TUT4: variants seen among roughly 807,000 people sequenced by gnomAD.
TUT4 encodes terminal uridylyl transferase 4.
In TUT4, 36 loss-of-function variants were observed where a neutral mutation model predicts 192.2. The ratio of observed to expected loss-of-function variants is 0.19; its 90% CI spans 0.14 to 0.25. The LOEUF (loss-of-function observed/expected upper bound fraction) is 0.25, where lower values mean the gene tolerates loss of function less well. TUT4 is among the 10% of genes least tolerant of loss of function. TUT4 has a pLI of 1.00. For synonymous variants in TUT4, 618 were observed against 666.0 expected, an observed-to-expected ratio of 0.93 and a Z score of 1.11; for missense variants, 1,493 against 1,957.2, an observed-to-expected ratio of 0.76 and a Z score of 4.47.
intron 25 of TUT4, 53 bp from the exon 26 acceptor site, chr1:52,437,031 C>T (rs899414666): frequency 6.3e-7 from 1 of 1,587,832 alleles, no homozygotes. Context: ...AGTCACAGAA[C>T]AAACTATGCA....
intron 11 of TUT4, among the ~76,000 whole-genome samples, chr1:52,479,850 C>A (rs370225164): frequency 1.3e-5 from 2 of 151,802 alleles, no homozygotes; most frequent in Non-Finnish European, 2.9e-5. Context: ...AAAAATTAGC[C>A]GGGCATGGTG....
intron 9 of TUT4, among the ~76,000 whole-genome samples, chr1:52,487,018 A>G (rs1343852055): frequency 6.6e-6 from 1 of 152,226 alleles, no homozygotes; most frequent in African/African-American, 2.4e-5. Context: ...GCAACTGTGT[A>G]TTCCATCATC....
chr1:52,531,710 G>A (rs559907647), intron 1 of TUT4, among the ~76,000 whole-genome samples: 3 of 152,038 alleles, frequency 2.0e-5, no homozygotes, highest in Non-Finnish European at 2.9e-5. Flanking sequence ...ACTAGGAAAT[G>A]TCTCTCTTTC....
At chr1:52,528,980 T>C (rs2149491609) in intron 1 of TUT4, among the ~76,000 whole-genome samples, 1 of 152,248 alleles carries the variant, frequency 6.6e-6, no homozygotes, top group East Asian at 1.9e-4. Flanking sequence ...CCCAAAGCAC[T>C]GGGATTACAG....
Position 52,475,553 on chromosome 1 carries a change from G to A in TUT4, c.2024-18C>T, listed in dbSNP as rs755433975. On this transcript the variant is annotated intron_variant, in intron 12 of 29. Coordinates refer to ENST00000257177, the MANE Select transcript of TUT4 (RefSeq NM_001009881.3). ...AAATGGATCTAGCAAAAGAGAAAATGGTAAATAGCTAAGTCTCTACTAACA... is the reference window on the plus strand; with the variant it reads ...AAATGGATCTAGCAAAAGAGAAAATAGTAAATAGCTAAGTCTCTACTAACA... The A allele has an allele frequency of 8.2e-6, 13 of 1,581,320 alleles. No individual in the cohort carries two copies. Among genetic ancestry groups the A allele is most frequent in the Middle Eastern group, 3.3e-4 (2 of 5,996 alleles).
Position 52,423,681 on chromosome 1 carries a change from A to G in TUT4, c.*254T>C. 2.8e-6 allele frequency: 2 copies of G among 705,202 alleles called. No homozygotes were observed. The highest frequency in any genetic ancestry group is 7.2e-5 in the East Asian group (2 of 27,968). 43.7% of individuals were successfully genotyped at this position (705,202 alleles called of 1,614,324 possible). ...AAATAGATGAAATTTGTATCACTCA[A>G]TTTGGTGATACTAGTAAAAACTATA... is the stretch of plus-strand genomic sequence containing the variant. On this transcript the variant is annotated 3_prime_UTR_variant, in exon 30 of 30. Coordinates refer to ENST00000257177, the MANE Select transcript of TUT4 (RefSeq NM_001009881.3).
intron 16 of TUT4, chr1:52,462,970 A>G (rs1160373581): frequency 1.0e-6 from 1 of 985,478 alleles, no homozygotes; most frequent in African/African-American, 1.7e-5. Context: ...GAGCCATTGC[A>G]GCTAAACCAA....
chr1:52,506,705 A>G (rs776633556), intron 4 of TUT4, among the ~76,000 whole-genome samples: 14 of 152,204 alleles, frequency 9.2e-5, no homozygotes, highest in Non-Finnish European at 1.6e-4. Context: ...TGAAACATCA[A>G]GAATACAGTT....
intron 20 of TUT4, among the ~76,000 whole-genome samples, chr1:52,457,437 T>C (rs1361260644): frequency 1.3e-5 from 2 of 151,942 alleles, no homozygotes; most frequent in Non-Finnish European, 2.9e-5. Context: ...GGTTTCACCA[T>C]GTTGGCCAGG....
At chr1:52,441,793 G>A (rs1438295138) in intron 24 of TUT4, among the ~76,000 whole-genome samples, 2 of 152,034 alleles carry the variant, frequency 1.3e-5, no homozygotes, top group Non-Finnish European at 2.9e-5. Flanking sequence ...CCAAGGACAG[G>A]CACATGGTGG....
intron 4 of TUT4, among the ~76,000 whole-genome samples, chr1:52,503,320 AATG>A (rs1674674989): frequency 6.6e-6 from 1 of 152,158 alleles, no homozygotes; most frequent in Admixed American, 6.5e-5. Flanking sequence ...AGATTAATTA[AATG>A]ATTATTTAAA....
chr1:52,437,997 CTGAG>C (rs1449165799), intron 25 of TUT4, among the ~76,000 whole-genome samples: 1 of 151,710 alleles, frequency 6.6e-6, no homozygotes, highest in African/African-American at 2.4e-5. Flanking sequence ...CAAAAAAAAA[CTGAG>C]TGAATTAATG....
chr1:52,429,177 G>C (rs1034740863), intron 28 of TUT4, among the ~76,000 whole-genome samples: 1 of 144,810 alleles, frequency 6.9e-6, no homozygotes, highest in Admixed American at 7.1e-5. Context: ...TCTGCCTCCC[G>C]GGTTCACACC....
Position 52,526,090 on chromosome 1 carries a change from C to T in TUT4, c.191G>A (p.Cys64Tyr), listed in dbSNP as rs754744349. ...SSKKNKQNDI[C>Y]IEKTEVKSCK... is the part of the protein sequence containing the mutation. Reference sequence around the variant, plus strand: ...TGATTTAACTTCTGTTTTTTCTATACAAATATCATTTTGCTTATTTTTTTT... The same window carrying T: ...TGATTTAACTTCTGTTTTTTCTATATAAATATCATTTTGCTTATTTTTTTT... Residue 64 changes from cysteine (C) to tyrosine (Y), a missense_variant, in exon 2 of 30, where the codon TGT becomes TAT. Around this residue, in one of 7 missense-constraint regions of TUT4, gnomAD observed 260 missense variants for 247.8 expected, o/e 1.05. Coordinates refer to ENST00000257177, the MANE Select transcript of TUT4 (RefSeq NM_001009881.3). The T allele has an allele frequency of 1.1e-5, 17 of 1,609,766 alleles. No individual in the cohort carries two copies. The highest frequency in any genetic ancestry group is 1.4e-5 in the Non-Finnish European group (17 of 1,179,060).
intron 8 of TUT4, 22 bp downstream of exon 8, chr1:52,490,710 T>C: frequency 6.3e-7 from 1 of 1,587,772 alleles, no homozygotes; most frequent in East Asian, 2.2e-5. Context: ...TTTTTAAATA[T>C]TTTATCTTCA....
intron 16 of TUT4, among the ~76,000 whole-genome samples, chr1:52,464,376 T>A (rs543124437): frequency 2.1e-4 from 32 of 152,234 alleles, no homozygotes. Flanking sequence ...TGCCTCAGCC[T>A]CCTGAGTAGC....
intron 20 of TUT4, among the ~76,000 whole-genome samples, chr1:52,447,453 AAAAAAAAC>A (rs201679877): frequency 0.079 from 11,833 of 149,448 alleles, 1,483 homozygotes; most frequent in African/African-American, 0.28. Context: ...CATCTCACCA[AAAAAAAAC>A]AAAAAAACAA....
chr1:52,470,397 A>C (rs1157231327), intron 14 of TUT4, among the ~76,000 whole-genome samples: 2 of 152,230 alleles, frequency 1.3e-5, no homozygotes, highest in Non-Finnish European at 2.9e-5. Flanking sequence ...AAAGCTGCTA[A>C]AAAACACGTG....
At chr1:52,523,223 C>T (rs1413127749) in intron 2 of TUT4, among the ~76,000 whole-genome samples, 1 of 151,674 alleles carries the variant, frequency 6.6e-6, no homozygotes, top group African/African-American at 2.4e-5. Flanking sequence ...GACCTCCTGA[C>T]CTCAGGTGAT....
Sources: gnomAD v4.1 joint callset for allele counts (sites outside exome capture counted in the v4.1 genomes callset) on GRCh38, gnomAD v4.1.1 for gene constraint, gnomAD v4.1.1 regional missense constraint, MANE v1.5 for transcripts, NCBI Gene and HGNC (gene_info 2026-07-23, HGNC 2026-07-21) for gene names.